Variants in SLC35F3 observed in about 807,000 individuals in gnomAD.
SLC35F3 encodes putative thiamine transporter SLC35F3.
In SLC35F3, 25 loss-of-function variants were observed where a neutral mutation model predicts 49.9. The ratio of observed to expected loss-of-function variants is 0.50; its 90% CI spans 0.37 to 0.70. The LOEUF is 0.70. Ranked by LOEUF, SLC35F3 falls within the 30% of genes least tolerant of loss-of-function variation. The probability of loss-of-function intolerance (pLI) is 0.00; values close to 1 mark genes in which losing one functional copy is unlikely to be tolerated. For synonymous variants in SLC35F3, 275 were observed against 265.4 expected, an observed-to-expected ratio of 1.04 and a Z score of -0.35; for missense variants, 525 against 639.8, an observed-to-expected ratio of 0.82 and a Z score of 1.94.
chr1:234,283,970 A>G (rs965603332), intron 3 of SLC35F3, among the ~76,000 whole-genome samples: 4 of 152,102 alleles, frequency 2.6e-5, no homozygotes, highest in African/African-American at 7.2e-5. Context: ...CGGTTGTGCA[A>G]TCATAGCTCA....
chr1:234,117,657 C>T (rs1316836186), intron 2 of SLC35F3, among the ~76,000 whole-genome samples: 1 of 149,546 alleles, frequency 6.7e-6, no homozygotes, highest in African/African-American at 2.5e-5. Flanking sequence ...GAGGCTGAGG[C>T]TGGTGGATCA....
At chr1:233,958,194 CTT>C (rs1419676271) in intron 2 of SLC35F3, among the ~76,000 whole-genome samples, 1 of 152,170 alleles carries the variant, frequency 6.6e-6, no homozygotes, top group Non-Finnish European at 1.5e-5. Flanking sequence ...TATGATGACT[CTT>C]TTGATGATAT....
intron 2 of SLC35F3, among the ~76,000 whole-genome samples, chr1:233,907,811 C>T (rs1470077335): frequency 1.3e-5 from 2 of 152,106 alleles, no homozygotes; most frequent in Admixed American, 6.5e-5. Flanking sequence ...CTGCAACCTC[C>T]ACCTCCTGAG....
At chr1:234,141,969 G>T (rs1418765869) in intron 2 of SLC35F3, among the ~76,000 whole-genome samples, 1 of 151,998 alleles carries the variant, frequency 6.6e-6, no homozygotes, top group Non-Finnish European at 1.5e-5. Context: ...ATTATCCTTT[G>T]TCCCCCATTA....
At chr1:234,088,881 C>G (rs1432085847) in intron 2 of SLC35F3, among the ~76,000 whole-genome samples, 1 of 152,136 alleles carries the variant, frequency 6.6e-6, no homozygotes, top group Non-Finnish European at 1.5e-5. Flanking sequence ...GGTACCTCAG[C>G]CTCCTGAGTA....
At chr1:234,227,856 CCTT>C (rs1667312372) in intron 2 of SLC35F3, among the ~76,000 whole-genome samples, 1 of 152,182 alleles carries the variant, frequency 6.6e-6, no homozygotes, top group Admixed American at 6.5e-5. Context: ...CATTGTAACT[CCTT>C]CTGTCTGAAA....
intron 2 of SLC35F3, among the ~76,000 whole-genome samples, chr1:233,993,632 C>T (rs143011270): frequency 2.6e-5 from 4 of 152,264 alleles, no homozygotes; most frequent in African/African-American, 9.6e-5. Context: ...GGCCATTAAA[C>T]GATGCATCTA....
chr1:234,135,046 C>G (rs1665789601), intron 2 of SLC35F3, among the ~76,000 whole-genome samples: 1 of 152,050 alleles, frequency 6.6e-6, no homozygotes, highest in Non-Finnish European at 1.5e-5. Context: ...AATTTGCATC[C>G]CAGGCAAGAA....
chr1:234,143,437 C>T (rs1004854738), intron 2 of SLC35F3, among the ~76,000 whole-genome samples: 2 of 151,894 alleles, frequency 1.3e-5, no homozygotes, highest in Admixed American at 1.3e-4. Context: ...TATAGGTGCA[C>T]ACCATCATGC....
intron 2 of SLC35F3, among the ~76,000 whole-genome samples, chr1:233,954,124 G>A (rs6586406): frequency 1 from 152,066 of 152,180 alleles, 75,976 homozygotes; most frequent in Middle Eastern, 1. Flanking sequence ...CTCCTGCCTC[G>A]GCCTCCCGAG....
chr1:234,101,345 A>G (rs1023611754), intron 2 of SLC35F3, among the ~76,000 whole-genome samples: 1 of 152,180 alleles, frequency 6.6e-6, no homozygotes, highest in East Asian at 1.9e-4. Context: ...TTTATAAAAG[A>G]AACATGGCAC....
At position 234,046,571 on chromosome 1, in the gene SLC35F3, G is replaced by A. The variant is rs1004522233; in HGVS notation, c.283+140813G>A. 2.0e-5 allele frequency among the ~76,000 whole-genome samples: 3 copies of A among 151,946 alleles called. No individual in the cohort carries two copies. The highest frequency in any genetic ancestry group is 2.9e-5 in the Non-Finnish European group (2 of 67,962). Reference sequence around the variant, plus strand: ...GTTTTTATTTGCACTTTGTTTGTGAGGTCTTTTTTGTTTGTGCAAGTTAAT... The same window carrying A: ...GTTTTTATTTGCACTTTGTTTGTGAAGTCTTTTTTGTTTGTGCAAGTTAAT... On this transcript the variant is annotated intron_variant, in intron 2 of 7. Coordinates refer to ENST00000366618, the MANE Select transcript of SLC35F3 (RefSeq NM_173508.4). The surrounding 1 kb of genome is among the most constrained non-coding windows in gnomAD (Gnocchi z 4.4).
At chr1:233,996,579 G>T (rs1663465187) in intron 2 of SLC35F3, among the ~76,000 whole-genome samples, 2 of 152,128 alleles carry the variant, frequency 1.3e-5, no homozygotes, top group Non-Finnish European at 2.9e-5. Context: ...GCCTCACACT[G>T]GTTGCCAAAC....
intron 3 of SLC35F3, among the ~76,000 whole-genome samples, chr1:234,273,298 C>T (rs995367133): frequency 3.3e-5 from 5 of 152,220 alleles, no homozygotes; most frequent in South Asian, 2.1e-4. Context: ...AGAAGCTTGG[C>T]GATGGCTTTC....
intron 3 of SLC35F3, among the ~76,000 whole-genome samples, chr1:234,307,851 C>T (rs1284414842): frequency 6.6e-6 from 1 of 152,158 alleles, no homozygotes; most frequent in East Asian, 1.9e-4. Context: ...TCGGGCCCAA[C>T]CCAGCAATGA....
chr1:234,140,477 C>G (rs1414684301), intron 2 of SLC35F3, among the ~76,000 whole-genome samples: 1 of 152,078 alleles, frequency 6.6e-6, no homozygotes, highest in African/African-American at 2.4e-5. Context: ...GGGAAAAAAA[C>G]ATAGTAGTTG....
At chr1:234,143,139 T>C (rs754334789) in intron 2 of SLC35F3, among the ~76,000 whole-genome samples, 16 of 152,172 alleles carry the variant, frequency 1.1e-4, no homozygotes, top group Non-Finnish European at 2.2e-4. Flanking sequence ...TTTAGACCTC[T>C]AGATTTCTTC....
intron 3 of SLC35F3, among the ~76,000 whole-genome samples, chr1:234,235,692 G>A (rs1170713581): frequency 6.6e-6 from 1 of 152,220 alleles, no homozygotes; most frequent in African/African-American, 2.4e-5. Flanking sequence ...GTGCAGTGGT[G>A]ACAGATGTTT....
intron 2 of SLC35F3, among the ~76,000 whole-genome samples, chr1:234,210,535 T>C (rs968022293): frequency 1.3e-5 from 2 of 152,284 alleles, no homozygotes; most frequent in Middle Eastern, 6.8e-3. Flanking sequence ...CAGATGGAGA[T>C]TAGGAACTTG....
Sources: allele counts gnomAD v4.1 joint callset (sites outside exome capture counted in the v4.1 genomes callset), GRCh38; gene constraint gnomAD v4.1.1; non-coding constraint Gnocchi (gnomAD v3.1); transcripts MANE v1.5; gene names NCBI Gene and HGNC (gene_info 2026-07-23, HGNC 2026-07-21).